Variants in PLA2R1 observed in about 807,000 individuals in gnomAD.
PLA2R1 encodes secretory phospholipase A2 receptor.
Under a neutral mutation model 195.9 loss-of-function variants are expected in PLA2R1, and 158 were observed. That is an observed-to-expected ratio of 0.81 (90% CI 0.71 to 0.92). The LOEUF (loss-of-function observed/expected upper bound fraction) is 0.92. Among genes scored for constraint, PLA2R1 ranks in the 40% least tolerant of loss-of-function variants. The probability of loss-of-function intolerance (pLI) is 0.00; values close to 1 mark genes in which losing one functional copy is unlikely to be tolerated. For synonymous variants in PLA2R1, 586 were observed against 598.2 expected, an observed-to-expected ratio of 0.98 and a Z score of 0.30; for missense variants, 1,626 against 1,764.6, an observed-to-expected ratio of 0.92 and a Z score of 1.41.
chr2:159,958,356 G>A (rs1688236076), intron 20 of PLA2R1, among the ~76,000 whole-genome samples: 1 of 152,010 alleles, frequency 6.6e-6, no homozygotes, highest in Admixed American at 6.6e-5. Context: ...AGCAGGTGCC[G>A]GCACCATGCT....
In PLA2R1 at chr2:159,977,419, G is replaced by T; in HGVS notation, c.2269-3C>A. 6.2e-7 allele frequency: 1 copy of T among 1,612,382 alleles called. No individual in the cohort carries two copies. The highest frequency in any genetic ancestry group is 8.5e-7 in the Non-Finnish European group (1 of 1,178,868). On this transcript the variant is annotated splice_region_variant and splice_polypyrimidine_tract_variant and intron_variant, in intron 14 of 29. Coordinates refer to ENST00000283243, the MANE Select transcript of PLA2R1 (RefSeq NM_007366.5). ...TTGTCTAAAAACGAAGAGACAACCT[G>T]CAGCAGATGAAGTTCATTATTCCTT...
intron 11 of PLA2R1, among the ~76,000 whole-genome samples, chr2:159,995,437 C>G (rs1251073568): frequency 6.6e-6 from 1 of 152,032 alleles, no homozygotes; most frequent in Non-Finnish European, 1.5e-5. Context: ...CAAAGATTTT[C>G]TCTACTCAAA....
At chr2:160,054,811 C>T (rs1695433650) in intron 1 of PLA2R1, among the ~76,000 whole-genome samples, 1 of 151,928 alleles carries the variant, frequency 6.6e-6, no homozygotes, top group African/African-American at 2.4e-5. Flanking sequence ...ATAATTTATG[C>T]TCCTAGCTAT....
In PLA2R1 at chr2:159,951,336, C is replaced by A; in HGVS notation, c.3540+4G>T. ...GGATGTCTCAAGGGAGTTAGGATAC[C>A]TACATCTGTGGTGAACAGTCCAATC... On this transcript the variant is annotated splice_donor_region_variant and intron_variant, in intron 24 of 29. Coordinates refer to ENST00000283243, the MANE Select transcript of PLA2R1 (RefSeq NM_007366.5). 6.5e-7 allele frequency: 1 copy of A among 1,527,174 alleles called. No individual in the cohort carries two copies. The highest frequency in any genetic ancestry group is 2.2e-5 in the East Asian group (1 of 44,472). The allele number at this position is 1,527,174 out of a possible 1,614,324, so 94.6% of individuals were successfully genotyped here. A position where few individuals can be genotyped will look rare whatever the true frequency, so the allele number is the denominator to read the frequency against.
In PLA2R1 at chr2:160,062,438, C is replaced by G. The variant is rs1696033342; in HGVS notation, c.-35G>C. 2 of 1,515,948 alleles carry G rather than the reference C, an allele frequency of 1.3e-6. No individual in the cohort carries two copies. The highest frequency in any genetic ancestry group is 1.4e-5 in the African/African-American group (1 of 68,984). The allele number at this position is 1,515,948 out of a possible 1,614,324, so 93.9% of individuals were successfully genotyped here. On this transcript the variant is annotated 5_prime_UTR_variant, in exon 1 of 30. Coordinates refer to ENST00000283243, the MANE Select transcript of PLA2R1 (RefSeq NM_007366.5). ...CTGGGCTCTCCGGGAGCCCCTTGTC[C>G]CGGGAGCCCCTTATCCCGGGAGCCC...
At chr2:159,977,498 T>G (rs1689655650) in intron 14 of PLA2R1, 82 bp from the exon 15 acceptor site, 5 of 1,219,548 alleles carry the variant, frequency 4.1e-6, no homozygotes, top group Non-Finnish European at 5.9e-6. Flanking sequence ...TCCCTGTACA[T>G]AAGCATTATA....
chr2:160,050,526 C>T (rs567184429), intron 1 of PLA2R1, among the ~76,000 whole-genome samples: 9 of 152,208 alleles, frequency 5.9e-5, no homozygotes, highest in African/African-American at 2.2e-4. Context: ...TATTTACATG[C>T]ATTCATTTAT....
chr2:159,932,899 A>C lies in PLA2R1; in HGVS notation c.*8879T>G, dbSNP rs967797088. 1 of 152,168 alleles carries C rather than the reference A, an allele frequency of 6.6e-6. No individual in the cohort carries two copies. The highest frequency in any genetic ancestry group is 6.5e-5 in the Admixed American group (1 of 15,272). 9.4% of individuals were successfully genotyped at this position (152,168 alleles called of 1,614,324 possible). The stretch of plus-strand genomic sequence containing the variant: ...TGGATCTAATATAAATAAGAGACTT[A>C]ATGGGAGAAACAGAAACACATTTTA... On this transcript the variant is annotated 3_prime_UTR_variant, in exon 30 of 30. Transcript: ENST00000283243.
chr2:159,954,948 T>C (rs1687987117), intron 23 of PLA2R1, among the ~76,000 whole-genome samples: 1 of 152,230 alleles, frequency 6.6e-6, no homozygotes, highest in Admixed American at 6.5e-5. Flanking sequence ...CCATTTAATA[T>C]GACTAAGATA....
chr2:159,962,117 A>G (rs1031151370), intron 20 of PLA2R1, among the ~76,000 whole-genome samples: 4 of 152,170 alleles, frequency 2.6e-5, no homozygotes, highest in African/African-American at 7.2e-5. Flanking sequence ...ATGGGAGAAA[A>G]TTTTTGCAAT....
Position 159,955,274 on chromosome 2 carries a change from A to T in PLA2R1, c.3226T>A (p.Phe1076Ile). ...LCALLSSNPN[F>I]HFTGKWYFED... ...AAATACCATTTTCCAGTGAAATGAA[A>T]ATTAGGATTACTTGAGAGTAAGGCA... Residue 1076 changes from phenylalanine (F) to isoleucine (I), a missense_variant, in exon 23 of 30, where the codon TTT becomes ATT. Physicochemically the swap from Phe to Ile is conservative, Grantham distance 21. Transcript: ENST00000283243. 8.1e-6 allele frequency: 13 copies of T among 1,608,584 alleles called. No homozygotes were observed. Among genetic ancestry groups the T allele is most frequent in the Non-Finnish European group, 1.0e-5 (12 of 1,175,344 alleles).
chr2:160,028,780 T>C (rs1283472749), intron 5 of PLA2R1, 70 bp downstream of exon 5: 8 of 884,474 alleles, frequency 9.0e-6, no homozygotes, highest in African/African-American at 1.6e-5. Context: ...CCTATGTGCA[T>C]GGGAAATGCT....
chr2:159,977,170 A>G, intron 15 of PLA2R1, 114 bp downstream of exon 15: 1 of 789,670 alleles, frequency 1.3e-6, no homozygotes, highest in Non-Finnish European at 2.0e-6. Context: ...AAAGTAGTGT[A>G]ATTTATTTTA....
intron 20 of PLA2R1, among the ~76,000 whole-genome samples, chr2:159,960,015 C>T (rs77233816): frequency 1.6e-3 from 246 of 152,322 alleles, no homozygotes; most frequent in Admixed American, 3.5e-3. Context: ...GTCCTGGTCA[C>T]GTCCTTCTTT....
chr2:159,960,425 A>G (rs959053627), intron 20 of PLA2R1, among the ~76,000 whole-genome samples: 47 of 152,310 alleles, frequency 3.1e-4, no homozygotes, highest in African/African-American at 1.1e-3. Flanking sequence ...AATTCCCGAC[A>G]TCGAGATAGT....
chr2:159,993,517 C>A (rs1484287921), intron 11 of PLA2R1, among the ~76,000 whole-genome samples: 1 of 150,744 alleles, frequency 6.6e-6, no homozygotes, highest in Non-Finnish European at 1.5e-5. Flanking sequence ...GAAACAATAA[C>A]AAACCACAAA....
At chr2:159,969,546 T>G (rs111728033) in intron 18 of PLA2R1, among the ~76,000 whole-genome samples, 187 bp from the exon 19 acceptor site, 3 of 152,170 alleles carry the variant, frequency 2.0e-5, no homozygotes, top group African/African-American at 7.2e-5. Flanking sequence ...TTTTCTAAGG[T>G]GGTAGATTTT....
chr2:159,951,427 G>C lies in PLA2R1; in HGVS notation c.3453C>G (p.Ser1151Arg), dbSNP rs745417006. The C allele has an allele frequency of 6.8e-6, 11 of 1,613,078 alleles. No individual in the cohort carries two copies. The highest frequency in any genetic ancestry group is 9.3e-6 in the Non-Finnish European group (11 of 1,179,068). The change falls in exon 24 of 30, where the codon AGC becomes AGG. Residue 1151 changes from serine (S) to arginine (R), a missense_variant. Physicochemically the swap from Ser to Arg is moderately radical, Grantham distance 110. Transcript: ENST00000283243. Reference sequence around the variant, plus strand: ...AGGACTGGTGATACTGGTCTGTGATGCTGACCAGTTGTGCTTTGTGCATCA... The same window carrying C: ...AGGACTGGTGATACTGGTCTGTGATCCTGACCAGTTGTGCTTTGTGCATCA... ...TCLMHKAQLV[S>R]ITDQYHQSFL... is the part of the protein sequence containing the mutation.
chr2:159,946,567 A>C, intron 27 of PLA2R1: 1 of 1,196,550 alleles, frequency 8.4e-7, no homozygotes, highest in Non-Finnish European at 1.0e-6. Context: ...CTAAGGGTAA[A>C]GATAAACATG....
Sources: allele counts gnomAD v4.1 joint callset (sites outside exome capture counted in the v4.1 genomes callset), GRCh38; gene constraint gnomAD v4.1.1; transcripts MANE v1.5; gene names NCBI Gene and HGNC (gene_info 2026-07-23, HGNC 2026-07-21).